MICU1: variants seen among roughly 807,000 people sequenced by gnomAD.
MICU1 encodes the protein mitochondrial calcium uptake 1, also known as calcium uptake protein 1, mitochondrial.
MICU1 carries 45 observed loss-of-function variants against 56.8 expected under a neutral mutation model. That is an observed-to-expected ratio of 0.79 (90% CI 0.62 to 1.02). The LOEUF is 1.02. Ranked by LOEUF, MICU1 falls within the 50% of genes least tolerant of loss-of-function variation. The pLI is 0.00. For missense variants in MICU1, 504 were observed against 587.1 expected, an observed-to-expected ratio of 0.86 and a Z score of 1.46; for synonymous variants, 186 against 195.1, an observed-to-expected ratio of 0.95 and a Z score of 0.39.
intron 8 of MICU1, among the ~76,000 whole-genome samples, chr10:72,471,544 C>T (rs1257393379): frequency 1.3e-5 from 2 of 151,944 alleles, no homozygotes; most frequent in Non-Finnish European, 2.9e-5. Flanking sequence ...CTGGTTGACC[C>T]TGTATGTTTT....
At chr10:72,489,310 ACAC>A (rs1866577106) in intron 6 of MICU1, among the ~76,000 whole-genome samples, 1 of 145,772 alleles carries the variant, frequency 6.9e-6, no homozygotes, top group African/African-American at 2.8e-5. Context: ...ACACACACAC[ACAC>A]ACACACACAC....
chr10:72,620,463 G>A (rs1842078350), intron 1 of MICU1, among the ~76,000 whole-genome samples: 1 of 152,138 alleles, frequency 6.6e-6, no homozygotes, highest in South Asian at 2.1e-4. Context: ...TGGGATTACA[G>A]GCATGAGCCA....
At chr10:72,417,576 T>G (rs1291193977) in intron 9 of MICU1, among the ~76,000 whole-genome samples, 1 of 152,228 alleles carries the variant, frequency 6.6e-6, no homozygotes, top group East Asian at 1.9e-4. Flanking sequence ...AATTTTCAAT[T>G]TCATCCTTAA....
At chr10:72,467,669 A>G (rs1447069074) in intron 8 of MICU1, 1 of 152,052 alleles carries the variant, frequency 6.6e-6, no homozygotes, top group Non-Finnish European at 1.5e-5. Context: ...AGTTCTTTAT[A>G]TCTCTCTTTT....
intron 6 of MICU1, among the ~76,000 whole-genome samples, chr10:72,486,579 C>G (rs1866482512): frequency 6.6e-6 from 1 of 152,176 alleles, no homozygotes; most frequent in Non-Finnish European, 1.5e-5. Context: ...TCAAGAGATT[C>G]TCCTGAGTCA....
rs548740846 is a variant in MICU1 at position 72,571,696 on chromosome 10, G to T, written c.-1-4902C>A. ...CAGCCAGAAGGCATTAATAACCTAG[G>T]TATTGGGTGATGAGTGCCTAGATTA... is the stretch of plus-strand genomic sequence containing the variant. On this transcript the variant is annotated intron_variant, in intron 1 of 11. Transcript: ENST00000361114. Among the ~76,000 whole-genome samples, 10 of 152,218 alleles carry T rather than the reference G, an allele frequency of 6.6e-5. No homozygotes were observed. The East Asian group carries it at 1.9e-3, about 29-fold the overall frequency.
intron 3 of MICU1, among the ~76,000 whole-genome samples, chr10:72,561,089 A>G (rs1263492771): frequency 6.6e-6 from 1 of 152,256 alleles, no homozygotes; most frequent in Non-Finnish European, 1.5e-5. Context: ...GGGAAAAGAT[A>G]GCTCTTCCTC....
chr10:72,423,125 G>A lies in MICU1; in HGVS notation c.1071+109C>T, dbSNP rs1029398029. On this transcript the variant is annotated intron_variant, in intron 9 of 11. Transcript: ENST00000361114. ...CTCAGGTACCAGAAATGAATTAGGT[G>A]TAATCATTGGTTCATGAAATACTCT... The A allele has an allele frequency of 7.0e-5, 98 of 1,405,494 alleles. No individual in the cohort carries two copies. In the African/African-American group the frequency reaches 9.6e-4, roughly 14 times the overall value. The allele number at this position is 1,405,494 out of a possible 1,614,324, so 87.1% of individuals were successfully genotyped here.
At chr10:72,512,981 G>A (rs1010959279) in intron 5 of MICU1, among the ~76,000 whole-genome samples, 1 of 152,132 alleles carries the variant, frequency 6.6e-6, no homozygotes, top group Admixed American at 6.6e-5. Context: ...TGGGGTTACA[G>A]GCATGAGCCA....
chr10:72,475,193 G>A lies in MICU1; in HGVS notation c.840C>T (p.Thr280=). 1.9e-6 allele frequency: 3 copies of A among 1,611,220 alleles called. No individual in the cohort carries two copies. In the East Asian group the frequency reaches 6.7e-5, roughly 36 times the overall value. ...LKSGLCSALT[T]YFFGADLKGK... is the part of the protein sequence containing the mutation. ...CCTTCAGATCAGCTCCAAAAAAGTA[G>A]GTTGTGAGGGCTGAACACAAGCCAG... Residue 280 remains threonine (T), a synonymous_variant, in exon 8 of 12, where the codon ACC becomes ACT. Coordinates refer to ENST00000361114, the MANE Select transcript of MICU1 (RefSeq NM_001195518.2).
intron 3 of MICU1, among the ~76,000 whole-genome samples, chr10:72,552,104 T>C (rs1412705367): frequency 6.6e-6 from 1 of 152,226 alleles, no homozygotes; most frequent in African/African-American, 2.4e-5. Flanking sequence ...TTACGTATCA[T>C]GGAAACTCAA....
At chr10:72,440,759 C>T (rs1864894673) in intron 8 of MICU1, among the ~76,000 whole-genome samples, 2 of 152,136 alleles carry the variant, frequency 1.3e-5, no homozygotes, top group African/African-American at 2.4e-5. Context: ...AGACACTTCT[C>T]AAAAGAAGAC....
intron 1 of MICU1, among the ~76,000 whole-genome samples, chr10:72,608,045 T>C (rs545571149): frequency 6.6e-6 from 1 of 152,242 alleles, no homozygotes; most frequent in Non-Finnish European, 1.5e-5. Context: ...CACAGATTGT[T>C]TTTTCCTTTA....
Position 72,475,119 on chromosome 10 carries a change from T to C in MICU1, c.914A>G (p.His305Arg). ...ACCTACCTCAAGCTTCAGAACATCA[T>C]GCTGCAGTTTACGCTGAAATTCGAG... ...NFLEFQRKLQ[H>R]DVLKLEFERH... The change falls in exon 8 of 12, where the codon CAT (histidine) becomes CGT (arginine). Residue 305 changes from histidine to arginine, a missense_variant. Transcript: ENST00000361114. 3 of 1,610,112 alleles carry C rather than the reference T, an allele frequency of 1.9e-6. No individual in the cohort carries two copies. Among genetic ancestry groups the C allele is most frequent in the Non-Finnish European group, 2.5e-6 (3 of 1,178,118 alleles).
chr10:72,553,234 CTTTTT>C (rs35593530), intron 3 of MICU1, among the ~76,000 whole-genome samples: 1 of 129,042 alleles, frequency 7.7e-6, no homozygotes, highest in Non-Finnish European at 1.7e-5. Flanking sequence ...TACCTTTCTT[CTTTTT>C]TTTTTTTTTT....
rs184217511 is a variant in MICU1 at position 72,585,850 on chromosome 10, T to C, written c.-1-19056A>G. ...GTATCTTATGTAAAATGGTATAATA[T>C]TTGCATTCAAACTATGCACATCCTG... On this transcript the variant is annotated intron_variant, in intron 1 of 11. Coordinates refer to ENST00000361114, the MANE Select transcript of MICU1 (RefSeq NM_001195518.2). 5.3e-5 allele frequency among the ~76,000 whole-genome samples: 8 copies of C among 152,028 alleles called. No homozygotes were observed. The East Asian group carries it at 1.5e-3, about 29-fold the overall frequency.
At chr10:72,539,668 T>A (rs1229381085) in intron 4 of MICU1, among the ~76,000 whole-genome samples, 1 of 152,086 alleles carries the variant, frequency 6.6e-6, no homozygotes, top group Non-Finnish European at 1.5e-5. Context: ...TAATATTGCA[T>A]CTTAGGGAAC....
chr10:72,404,566 T>G (rs1344108656), intron 10 of MICU1, among the ~76,000 whole-genome samples: 2 of 152,092 alleles, frequency 1.3e-5, no homozygotes, highest in Non-Finnish European at 2.9e-5. Context: ...AGAAAGAGAA[T>G]TCATAATTTG....
chr10:72,618,419 C>T (rs1352497971), intron 1 of MICU1, among the ~76,000 whole-genome samples: 2 of 152,032 alleles, frequency 1.3e-5, no homozygotes, highest in Non-Finnish European at 2.9e-5. Flanking sequence ...TTGCACTTAA[C>T]CATTATGCTT....
Sources: gnomAD v4.1 joint callset for allele counts (sites outside exome capture counted in the v4.1 genomes callset) on GRCh38, gnomAD v4.1.1 for gene constraint, MANE v1.5 for transcripts, NCBI Gene and HGNC (gene_info 2026-07-23, HGNC 2026-07-21) for gene names.